The following TYRP1 variants were observed in gnomAD, a reference collection of about 807,000 sequenced individuals.
TYRP1 encodes the protein tyrosinase related protein 1.
Under a neutral mutation model 42.8 loss-of-function variants are expected in TYRP1, and 49 were observed. That is an observed-to-expected ratio of 1.14 (90% CI 0.91 to 1.45). The LOEUF (loss-of-function observed/expected upper bound fraction) is 1.45. Ranked by LOEUF, TYRP1 falls within the 40% of genes most tolerant of loss-of-function variation. TYRP1 has a pLI of 0.00. For synonymous variants in TYRP1, 279 were observed against 235.4 expected, an observed-to-expected ratio of 1.19 and a Z score of -1.69; for missense variants, 848 against 662.0, an observed-to-expected ratio of 1.28 and a Z score of -3.08.
intron 7 of TYRP1, 25 bp from the exon 8 acceptor site, chr9:12,708,952 T>C (rs748911681): frequency 6.4e-7 from 1 of 1,553,336 alleles, no homozygotes; most frequent in Non-Finnish European, 8.8e-7. Flanking sequence ...TTTGTCTTTT[T>C]ATTTTTATCT....
chr9:12,706,682 C>T (rs930712251), intron 6 of TYRP1, among the ~76,000 whole-genome samples: 2 of 151,992 alleles, frequency 1.3e-5, no homozygotes, highest in Admixed American at 6.6e-5. Context: ...AACAATTAGC[C>T]TCCTTCTTAA....
intron 7 of TYRP1, 106 bp from the exon 8 acceptor site, chr9:12,708,871 A>G (rs1300279301): frequency 9.2e-7 from 1 of 1,087,600 alleles, no homozygotes; most frequent in African/African-American, 1.6e-5. Context: ...TAAATTAAAT[A>G]TGAGGATTTC....
At chr9:12,701,822 G>GTT (rs59308154) in intron 4 of TYRP1, 69 of 153,566 alleles carry the variant, frequency 4.5e-4, no homozygotes, top group South Asian at 1.9e-3. Flanking sequence ...AAATGTAAGG[G>GTT]TTTTTTTTTC....
At chr9:12,694,616 C>A (rs550668519) in intron 2 of TYRP1, 1 of 566,646 alleles carries the variant, frequency 1.8e-6, no homozygotes, top group South Asian at 2.0e-5. Context: ...TATTGAGCAA[C>A]CACTATATCC....
Position 12,694,235 on chromosome 9 carries a change from C to T in TYRP1, c.239C>T (p.Pro80Leu), listed in dbSNP as rs755983560. ...ADSRPHSPQY[P>L]HDGRDDREVW... ...TCCCGGCCCCACAGCCCTCAGTATC[C>T]CCATGATGGCAGAGATGATCGGGAG... is the stretch of plus-strand genomic sequence containing the variant. The change falls in exon 2 of 8, where the codon CCC becomes CTC. Residue 80 changes from proline (P) to leucine (L), a missense_variant. Transcript: ENST00000388918. The T allele has an allele frequency of 1.2e-6, 2 of 1,613,638 alleles. No individual in the cohort carries two copies. The highest frequency in any genetic ancestry group is 1.3e-5 in the African/African-American group (1 of 74,894).
intron 6 of TYRP1, among the ~76,000 whole-genome samples, chr9:12,707,267 T>C (rs935942065): frequency 4.6e-5 from 7 of 152,152 alleles, no homozygotes; most frequent in Non-Finnish European, 8.8e-5. Context: ...TAATCACACG[T>C]ACACTTAAGT....
At chr9:12,707,181 T>C (rs1818271999) in intron 6 of TYRP1, among the ~76,000 whole-genome samples, 1 of 152,056 alleles carries the variant, frequency 6.6e-6, no homozygotes, top group Admixed American at 6.6e-5. Flanking sequence ...AAGTTCAGTG[T>C]ATTTTCAGAA....
intron 6 of TYRP1, among the ~76,000 whole-genome samples, chr9:12,705,532 G>T (rs189258423): frequency 5.5e-4 from 83 of 152,096 alleles, no homozygotes; most frequent in African/African-American, 1.3e-3. Context: ...TGATGAAATT[G>T]ATGAAAATAG....
At chr9:12,701,420 A>G (rs1818165915) in intron 4 of TYRP1, among the ~76,000 whole-genome samples, 1 of 151,998 alleles carries the variant, frequency 6.6e-6, no homozygotes, top group Admixed American at 6.6e-5. Flanking sequence ...TACTGTGCCA[A>G]GTCTGTGGGA....
At chr9:12,707,531 A>G in intron 6 of TYRP1, 2 of 167,030 alleles carry the variant, frequency 1.2e-5, no homozygotes, top group Non-Finnish European at 2.6e-5. Flanking sequence ...CCTAAGACAA[A>G]GGAACAGGGA....
At chr9:12,708,928 T>TAAC (rs1422050188) in intron 7 of TYRP1, 49 bp from the exon 8 acceptor site, 5 of 1,507,172 alleles carry the variant, frequency 3.3e-6, no homozygotes, top group East Asian at 2.3e-5. Context: ...TTTTTGGTGA[T>TAAC]AACTATTTTA....
chr9:12,699,807 T>C (rs1192952772), intron 4 of TYRP1, among the ~76,000 whole-genome samples: 1 of 152,054 alleles, frequency 6.6e-6, no homozygotes, highest in African/African-American at 2.4e-5. Context: ...GGCCATTGTA[T>C]TTTGGCCTGA....
Position 12,698,580 on chromosome 9 carries a change from A to T in TYRP1, c.838A>T (p.Asn280Tyr). 1.2e-6 allele frequency: 2 copies of T among 1,613,860 alleles called. No individual in the cohort carries two copies. Among genetic ancestry groups the T allele is most frequent in the Non-Finnish European group, 1.7e-6 (2 of 1,179,832 alleles). The change falls in exon 4 of 8, where the codon AAC (asparagine) becomes TAC (tyrosine). Residue 280 changes from asparagine (N) to tyrosine (Y), a missense_variant. Asn to Tyr is a moderately radical substitution (Grantham distance 143). Coordinates refer to ENST00000388918, the MANE Select transcript of TYRP1 (RefSeq NM_000550.3). ...CTTTGATTCCACTCTAATAAGCCCA[A>T]ACTCTGTCTTTTCTCAATGGCGAGT... ...SNFDSTLISP[N>Y]SVFSQWRVVC...
chr9:12,708,170 G>GTGA, intron 7 of TYRP1, 27 bp downstream of exon 7: 1 of 1,611,578 alleles, frequency 6.2e-7, no homozygotes, highest in Non-Finnish European at 8.5e-7. Context: ...TATTTTTACT[G>GTGA]TGATAATTTC....
At chr9:12,703,490 C>T (rs1818207301) in intron 5 of TYRP1, among the ~76,000 whole-genome samples, 1 of 151,802 alleles carries the variant, frequency 6.6e-6, no homozygotes, top group Non-Finnish European at 1.5e-5. Flanking sequence ...AAAAAATGTA[C>T]AGATTGTGTC....
chr9:12,700,712 C>A (rs1563854249), intron 4 of TYRP1: 1 of 151,970 alleles, frequency 6.6e-6, no homozygotes, highest in Non-Finnish European at 1.5e-5. Flanking sequence ...TCTGTGAGGG[C>A]AAATTAGAAT....
intron 4 of TYRP1, chr9:12,700,472 T>A (rs934462820): frequency 6.6e-6 from 1 of 152,074 alleles, no homozygotes; most frequent in African/African-American, 2.4e-5. Context: ...AGAAAAACAC[T>A]GTTCTTTATT....
At chr9:12,702,468 G>A (rs1002065780) in intron 5 of TYRP1, 30 bp downstream of exon 5, 1 of 1,605,928 alleles carries the variant, frequency 6.2e-7, no homozygotes, top group East Asian at 2.2e-5. Flanking sequence ...ATTTTTAAAA[G>A]ATCTAGTTAT....
chr9:12,698,646 C>CTT lies in TYRP1; in HGVS notation c.906_907dup (p.Cys303PhefsTer83), dbSNP rs759390349. Reference sequence around the variant, plus strand: ...GGAAGATTATGATACCCTGGGAACACTTTGTAACAGTAAGTTCCAAATGAT... The same window carrying CTT: ...GGAAGATTATGATACCCTGGGAACACTTTTTGTAACAGTAAGTTCCAAATGAT... On this transcript the variant is annotated frameshift_variant, in exon 4 of 8. Coordinates refer to ENST00000388918, the MANE Select transcript of TYRP1 (RefSeq NM_000550.3). LOFTEE classifies it high-confidence loss of function. The CTT allele has an allele frequency of 6.2e-7, 1 of 1,613,304 alleles. No individual in the cohort carries two copies. Among genetic ancestry groups the CTT allele is most frequent in the African/African-American group, 1.3e-5 (1 of 74,920 alleles).
Sources: allele counts gnomAD v4.1 joint callset (sites outside exome capture counted in the v4.1 genomes callset), GRCh38; gene constraint gnomAD v4.1.1; transcripts MANE v1.5; gene names NCBI Gene and HGNC (gene_info 2026-07-23, HGNC 2026-07-21).